CEP295: variants seen among roughly 807,000 people sequenced by gnomAD.
The protein encoded by CEP295 is centrosomal protein 295.
Under a neutral mutation model 291.6 loss-of-function variants are expected in CEP295, and 190 were observed. That is an observed-to-expected ratio of 0.65 (90% CI 0.58 to 0.73). CEP295 has a LOEUF of 0.73. CEP295 is among the 30% of genes least tolerant of loss of function. CEP295 has a pLI of 0.00. For synonymous variants in CEP295, 993 were observed against 1,038.8 expected, an observed-to-expected ratio of 0.96 and a Z score of 0.85; for missense variants, 2,863 against 2,949.4, an observed-to-expected ratio of 0.97 and a Z score of 0.68.
intron 6 of CEP295, among the ~76,000 whole-genome samples, chr11:93,678,422 T>A (rs1950805128): frequency 6.6e-6 from 1 of 152,228 alleles, no homozygotes; most frequent in South Asian, 2.1e-4. Context: ...GTACTCTTTG[T>A]TAATTTAATA....
chr11:93,720,431 G>A (rs371923309), intron 18 of CEP295, among the ~76,000 whole-genome samples: 15 of 136,218 alleles, frequency 1.1e-4, no homozygotes, highest in East Asian at 6.9e-4. Context: ...TCGAGATTGC[G>A]CCACTGCATT....
Position 93,726,993 on chromosome 11 carries a change from G to C in CEP295, c.6517G>C (p.Glu2173Gln). The C allele has an allele frequency of 1.3e-6, 2 of 1,521,216 alleles. No homozygotes were observed. Among genetic ancestry groups the C allele is most frequent in the Non-Finnish European group, 1.8e-6 (2 of 1,135,660 alleles). The allele number at this position is 1,521,216 out of a possible 1,614,324, so 94.2% of individuals were successfully genotyped here. The change falls in exon 24 of 30, where the codon GAA (glutamate) becomes CAA (glutamine). Residue 2173 changes from glutamate (E) to glutamine (Q), a missense_variant. This residue lies in a region of CEP295 where 2,295 missense variants were observed against 2,335.7 expected (regional missense o/e 0.98). Transcript: ENST00000325212. The stretch of plus-strand genomic sequence containing the variant: ...TAATGCAGGATCTGAACAATGTTTT[G>C]AACAGCTTCAGCCAGAATATTCTTC... Reference protein sequence around the residue: ...NIIGGSEQCFEQLQPEYSSQE... With the variant: ...NIIGGSEQCFQQLQPEYSSQE...
At chr11:93,706,564 TA>T (rs1276372320) in intron 17 of CEP295, among the ~76,000 whole-genome samples, 180 bp from the exon 18 acceptor site, 1 of 152,174 alleles carries the variant, frequency 6.6e-6, no homozygotes, top group Non-Finnish European at 1.5e-5. Flanking sequence ...GCAGCATCAT[TA>T]AAAGCTTAGT....
chr11:93,707,673 T>C (rs1266725488), intron 18 of CEP295, among the ~76,000 whole-genome samples: 1 of 151,706 alleles, frequency 6.6e-6, no homozygotes, highest in Non-Finnish European at 1.5e-5. Flanking sequence ...GGCGTGAACC[T>C]GGGAGGTAGA....
At position 93,675,617 on chromosome 11, in the gene CEP295, C is replaced by T; in HGVS notation, c.575C>T (p.Thr192Ile). The T allele has an allele frequency of 6.6e-7, 1 of 1,512,926 alleles. No individual in the cohort carries two copies. Among genetic ancestry groups the T allele is most frequent in the Non-Finnish European group, 8.8e-7 (1 of 1,133,454 alleles). 93.7% of individuals were successfully genotyped at this position (1,512,926 alleles called of 1,614,324 possible). A position where few individuals can be genotyped will look rare whatever the true frequency, so the allele number is the denominator to read the frequency against. The change falls in exon 6 of 30, where the codon ACC (threonine) becomes ATC (isoleucine). Residue 192 changes from threonine (T) to isoleucine (I), a missense_variant. Physicochemically the swap from Thr to Ile is moderately conservative, Grantham distance 89. Around this residue, in one of 3 missense-constraint regions of CEP295, gnomAD observed 554 missense variants for 576.0 expected, o/e 0.96. Coordinates refer to ENST00000325212, the MANE Select transcript of CEP295 (RefSeq NM_033395.2). ...RISAVKTNSSTYHHLHTFVNR... is the reference protein window; with the variant it reads ...RISAVKTNSSIYHHLHTFVNR... The stretch of plus-strand genomic sequence containing the variant: ...TCTGCAGTCAAAACCAATAGTTCTA[C>T]CTACCATCATCTTCACACTTTTGTG...
chr11:93,690,414 G>T (rs1951464214), intron 10 of CEP295, among the ~76,000 whole-genome samples: 1 of 152,104 alleles, frequency 6.6e-6, no homozygotes, highest in Non-Finnish European at 1.5e-5. Flanking sequence ...AAAGTAGCTG[G>T]GCATGGTGGT....
In CEP295 at chr11:93,675,589, A is replaced by T. The variant is rs1590984019; in HGVS notation, c.547A>T (p.Ile183Phe). 6.7e-7 allele frequency: 1 copy of T among 1,499,218 alleles called. No individual in the cohort carries two copies. The highest frequency in any genetic ancestry group is 8.9e-7 in the Non-Finnish European group (1 of 1,126,000). 92.9% of individuals were successfully genotyped at this position (1,499,218 alleles called of 1,614,324 possible). Residue 183 changes from isoleucine (I) to phenylalanine (F), a missense_variant, in exon 6 of 30, where the codon ATT becomes TTT. Ile to Phe is a conservative substitution (Grantham distance 21). Around this residue, in one of 3 missense-constraint regions of CEP295, gnomAD observed 554 missense variants for 576.0 expected, o/e 0.96. Coordinates refer to ENST00000325212, the MANE Select transcript of CEP295 (RefSeq NM_033395.2). ...TLFENIEVKR[I>F]SAVKTNSSTY... ...TTTCCAGAACATCGAAGTAAAAAGA[A>T]TTTCTGCAGTCAAAACCAATAGTTC...
chr11:93,709,582 C>A lies in CEP295; in HGVS notation c.5749+2685C>A, dbSNP rs191892525. ...GTATAATTTGAAGTTAGGTAGATTC[C>A]TCCAGTTTTGTTCTTTTTGCTCAGG... On this transcript the variant is annotated intron_variant, in intron 18 of 29. Transcript: ENST00000325212. Among the ~76,000 whole-genome samples, 718 of 152,118 alleles carry A rather than the reference C, an allele frequency of 4.7e-3. 5 individuals carry two copies. Among genetic ancestry groups the A allele is most frequent in the Admixed American group, 7.9e-3 (120 of 15,272 alleles).
intron 9 of CEP295, among the ~76,000 whole-genome samples, chr11:93,684,675 C>A (rs896218283): frequency 6.6e-6 from 1 of 152,232 alleles, no homozygotes; most frequent in East Asian, 1.9e-4. Context: ...ACTATTTAAA[C>A]TGCATGCTTT....
At chr11:93,688,760 G>GTT (rs1951374782) in intron 10 of CEP295, among the ~76,000 whole-genome samples, 1 of 152,056 alleles carries the variant, frequency 6.6e-6, no homozygotes, top group Non-Finnish European at 1.5e-5. Context: ...GTAAACTGAT[G>GTT]TCTCCCAAGT....
At position 93,698,100 on chromosome 11, in the gene CEP295, A is replaced by G; in HGVS notation, c.3188A>G (p.Gln1063Arg). The G allele has an allele frequency of 6.4e-7, 1 of 1,552,126 alleles. No homozygotes were observed. Among genetic ancestry groups the G allele is most frequent in the East Asian group, 2.4e-5 (1 of 40,898 alleles). ...LHDSLKLLQE[Q>R]LTKQRDTLQA... is the part of the protein sequence containing the mutation. ...GATAGTTTGAAGTTGCTCCAAGAAC[A>G]GTTGACTAAACAGAGGGATACTCTT... The change falls in exon 15 of 30, where the codon CAG (glutamine) becomes CGG (arginine). Residue 1063 changes from glutamine to arginine, a missense_variant. Coordinates refer to ENST00000325212, the MANE Select transcript of CEP295 (RefSeq NM_033395.2).
intron 24 of CEP295, 48 bp from the exon 25 acceptor site, chr11:93,728,633 C>A (rs1162769236): frequency 2.0e-6 from 3 of 1,480,380 alleles, no homozygotes; most frequent in African/African-American, 1.4e-5. Context: ...TAGTTTAAGT[C>A]TTTTAAGGCT....
At chr11:93,681,178 A>G (rs1412997900) in intron 7 of CEP295, among the ~76,000 whole-genome samples, 1 of 151,180 alleles carries the variant, frequency 6.6e-6, no homozygotes, top group Non-Finnish European at 1.5e-5. Flanking sequence ...CTTCTTCACC[A>G]CTCAGCTGTT....
chr11:93,702,258 C>T (rs1057315282), intron 15 of CEP295, among the ~76,000 whole-genome samples: 23 of 152,068 alleles, frequency 1.5e-4, no homozygotes, highest in South Asian at 2.1e-4. Context: ...CGCGCCTGGC[C>T]GAATGGTTGT....
At chr11:93,715,740 G>C (rs1267983504) in intron 18 of CEP295, among the ~76,000 whole-genome samples, 4 of 152,094 alleles carry the variant, frequency 2.6e-5, no homozygotes, top group Non-Finnish European at 4.4e-5. Flanking sequence ...GAAGGCAGCA[G>C]GTTCTCTTCT....
intron 18 of CEP295, among the ~76,000 whole-genome samples, chr11:93,712,099 G>C (rs1427190837): frequency 6.6e-6 from 1 of 152,070 alleles, no homozygotes; most frequent in African/African-American, 2.4e-5. Context: ...CTCTTTAGCT[G>C]TAATAATATT....
At chr11:93,716,985 C>G (rs1247904001) in intron 18 of CEP295, among the ~76,000 whole-genome samples, 1 of 152,106 alleles carries the variant, frequency 6.6e-6, no homozygotes, top group African/African-American at 2.4e-5. Flanking sequence ...TACCATAAAA[C>G]AAAGGAAAAT....
chr11:93,661,741 CT>C lies in CEP295; in HGVS notation c.-59del, dbSNP rs1949995389. 6.5e-6 allele frequency: 1 copy of C among 152,752 alleles called. No homozygotes were observed. The highest frequency in any genetic ancestry group is 1.5e-5 in the Non-Finnish European group (1 of 68,138). The allele number at this position is 152,752 out of a possible 1,614,324, so 9.5% of individuals were successfully genotyped here. A position where few individuals can be genotyped will look rare whatever the true frequency, so the allele number is the denominator to read the frequency against. On this transcript the variant is annotated 5_prime_UTR_variant, in exon 1 of 30. It removes the in-frame stop codon of an upstream open reading frame in the 5' UTR. Coordinates refer to ENST00000325212, the MANE Select transcript of CEP295 (RefSeq NM_033395.2). ...GCTTACCAGGCTGGCTTGCTCTGAG[CT>C]GCGGTTACTGTGTCCAGGCCCCGGG...
At position 93,723,176 on chromosome 11, in the gene CEP295, A is replaced by G; in HGVS notation, c.6083A>G (p.Lys2028Arg). Residue 2028 changes from lysine (K) to arginine (R), a missense_variant, in exon 21 of 30, where the codon AAA (lysine) becomes AGA (arginine). Lys to Arg is a conservative substitution (Grantham distance 26, BLOSUM62 2). Around this residue, in one of 3 missense-constraint regions of CEP295, gnomAD observed 2,295 missense variants for 2,335.7 expected, o/e 0.98. Transcript: ENST00000325212. ...CGGCAGAACTCTTCAGACGTTCATA[A>G]ATCTCTGTTGCCTGCAGTGGATGAA... ...YQRQNSSDVH[K>R]SLLPAVDETT... 2 of 1,552,150 alleles carry G rather than the reference A, an allele frequency of 1.3e-6. No individual in the cohort carries two copies. Among genetic ancestry groups the G allele is most frequent in the Non-Finnish European group, 1.7e-6 (2 of 1,147,082 alleles).
Sources: gnomAD v4.1 joint callset for allele counts (sites outside exome capture counted in the v4.1 genomes callset) on GRCh38, gnomAD v4.1.1 for gene constraint, gnomAD v4.1.1 regional missense constraint, MANE v1.5 for transcripts, NCBI Gene and HGNC (gene_info 2026-07-23, HGNC 2026-07-21) for gene names.